TRERF1: variants seen among roughly 807,000 people sequenced by gnomAD.
TRERF1 encodes the protein transcriptional regulating factor 1, also known as transcriptional-regulating factor 1.
In TRERF1, 27 loss-of-function variants were observed where a neutral mutation model predicts 122.9. The ratio of observed to expected loss-of-function variants is 0.22; its 90% CI spans 0.16 to 0.30. TRERF1 has a LOEUF of 0.30. Among genes scored for constraint, TRERF1 ranks in the 10% least tolerant of loss-of-function variants. The pLI is 1.00. For synonymous variants in TRERF1, 636 were observed against 641.7 expected, an observed-to-expected ratio of 0.99 and a Z score of 0.13; for missense variants, 1,248 against 1,560.3, an observed-to-expected ratio of 0.80 and a Z score of 3.37.
intron 3 of TRERF1, among the ~76,000 whole-genome samples, chr6:42,354,872 A>G (rs1770204808): frequency 6.6e-6 from 1 of 152,202 alleles, no homozygotes; most frequent in African/African-American, 2.4e-5. Flanking sequence ...TATTTTTCCA[A>G]GCAGACATAG....
chr6:42,271,184 TAAAAAAAA>T (rs761098527), intron 4 of TRERF1, among the ~76,000 whole-genome samples: 3 of 102,688 alleles, frequency 2.9e-5, no homozygotes, highest in African/African-American at 1.1e-4. Flanking sequence ...AAACTCCATC[TAAAAAAAA>T]AAAAAAAAAA....
At chr6:42,378,070 A>T (rs1775221478) in intron 2 of TRERF1, among the ~76,000 whole-genome samples, 1 of 152,162 alleles carries the variant, frequency 6.6e-6, no homozygotes, top group South Asian at 2.1e-4. Flanking sequence ...GAATTTGGTG[A>T]TCTTCCCAAA....
At chr6:42,406,709 G>A (rs761450764) in intron 2 of TRERF1, among the ~76,000 whole-genome samples, 25 of 151,722 alleles carry the variant, frequency 1.6e-4, no homozygotes, top group Non-Finnish European at 2.9e-4. Context: ...AATGTCCCTC[G>A]TCTTAAAAAC....
At chr6:42,329,109 A>G (rs989596749) in intron 3 of TRERF1, among the ~76,000 whole-genome samples, 5 of 151,606 alleles carry the variant, frequency 3.3e-5, no homozygotes, top group Non-Finnish European at 7.4e-5. Context: ...GACTTGACTC[A>G]GTGCTGGTTT....
chr6:42,370,272 C>T (rs968119886), intron 2 of TRERF1, among the ~76,000 whole-genome samples: 1 of 152,128 alleles, frequency 6.6e-6, no homozygotes, highest in Non-Finnish European at 1.5e-5. Context: ...TATAAAAACA[C>T]AAAAAATTGT....
intron 3 of TRERF1, among the ~76,000 whole-genome samples, chr6:42,326,233 G>A (rs956250892): frequency 2.7e-5 from 4 of 147,930 alleles, no homozygotes; most frequent in African/African-American, 8.0e-5. Context: ...CAGTTGGCTG[G>A]CTGGATGGAA....
chr6:42,426,940 A>G (rs937572003), intron 2 of TRERF1, among the ~76,000 whole-genome samples: 11 of 152,166 alleles, frequency 7.2e-5, no homozygotes, highest in Non-Finnish European at 1.3e-4. Context: ...TTAAAACCTT[A>G]TATCAAATTA....
chr6:42,331,326 G>A (rs1054527165), intron 3 of TRERF1, among the ~76,000 whole-genome samples: 9 of 152,218 alleles, frequency 5.9e-5, no homozygotes, highest in African/African-American at 2.2e-4. Flanking sequence ...CAGAGAGTGA[G>A]AGAAGCAGCA....
intron 4 of TRERF1, among the ~76,000 whole-genome samples, chr6:42,284,486 T>C (rs1009750170): frequency 1.3e-5 from 2 of 152,238 alleles, no homozygotes; most frequent in African/African-American, 4.8e-5. Flanking sequence ...CTGTCACACA[T>C]TCTCAGCTGA....
chr6:42,236,473 CAGA>C, intron 15 of TRERF1, 62 bp from the exon 16 acceptor site: 3 of 1,523,750 alleles, frequency 2.0e-6, no homozygotes, highest in Admixed American at 4.0e-5. Context: ...TAGTGATGAA[CAGA>C]ACTCACAGAT....
At chr6:42,241,427 ATTAG>A (rs1041110225) in intron 15 of TRERF1, among the ~76,000 whole-genome samples, 3 of 152,148 alleles carry the variant, frequency 2.0e-5, no homozygotes, top group Non-Finnish European at 4.4e-5. Context: ...AGGATCAATT[ATTAG>A]TTAGAAGCAT....
At chr6:42,345,480 G>T (rs1264074758) in intron 3 of TRERF1, among the ~76,000 whole-genome samples, 1 of 152,038 alleles carries the variant, frequency 6.6e-6, no homozygotes. Context: ...ACAGAATGAG[G>T]TTTACACAGG....
rs1350864386 is a variant in TRERF1 at position 42,382,818 on chromosome 6, C to T, written c.-453-19739G>A. Reference sequence around the variant, plus strand: ...CTCTGCACTGAAGGATGTTTAGTAGCATCCCTGGCCTCCACCCACTACATG... The same window carrying T: ...CTCTGCACTGAAGGATGTTTAGTAGTATCCCTGGCCTCCACCCACTACATG... On this transcript the variant is annotated intron_variant, in intron 2 of 17. Transcript: ENST00000372922. Among the ~76,000 whole-genome samples the T allele has an allele frequency of 2.6e-5, 4 of 152,010 alleles. No individual in the cohort carries two copies. The East Asian group carries it at 7.7e-4, about 29-fold the overall frequency.
At chr6:42,378,421 C>G (rs568650309) in intron 2 of TRERF1, among the ~76,000 whole-genome samples, 23 of 151,668 alleles carry the variant, frequency 1.5e-4, no homozygotes, top group African/African-American at 5.3e-4. Context: ...CTAAAGTAAC[C>G]GGCACTGAGA....
intron 2 of TRERF1, among the ~76,000 whole-genome samples, chr6:42,373,975 A>C (rs1476063349): frequency 7.0e-6 from 1 of 143,492 alleles, no homozygotes; most frequent in Non-Finnish European, 1.5e-5. Context: ...TCTACTAAAA[A>C]TACAAAAATT....
chr6:42,277,146 G>A (rs577448672), intron 4 of TRERF1, among the ~76,000 whole-genome samples: 9 of 152,304 alleles, frequency 5.9e-5, no homozygotes, highest in African/African-American at 1.9e-4. Context: ...AGGACATGGG[G>A]AGAGAAGTGG....
chr6:42,450,170 G>C (rs893592866), intron 2 of TRERF1, among the ~76,000 whole-genome samples: 1 of 152,236 alleles, frequency 6.6e-6, no homozygotes, highest in Non-Finnish European at 1.5e-5. Flanking sequence ...ATCCTCTCCA[G>C]TCAGTGAGCA....
intron 13 of TRERF1, among the ~76,000 whole-genome samples, chr6:42,254,377 G>A (rs190416370): frequency 6.6e-6 from 1 of 152,284 alleles, no homozygotes; most frequent in Non-Finnish European, 1.5e-5. Flanking sequence ...CTACTAGGAT[G>A]TGCCAGGCAT....
rs556224846 is a variant in TRERF1 at position 42,380,445 on chromosome 6, T to A, written c.-453-17366A>T. On this transcript the variant is annotated intron_variant, in intron 2 of 17. Transcript: ENST00000372922. ...TCAGGAGCCAGGCTGAAGCCCAGCATAGCCTCTAAGCAGTGTGTGATGCTG... is the reference window on the plus strand; with the variant it reads ...TCAGGAGCCAGGCTGAAGCCCAGCAAAGCCTCTAAGCAGTGTGTGATGCTG... 2.6e-5 allele frequency among the ~76,000 whole-genome samples: 4 copies of A among 152,232 alleles called. No homozygotes were observed. In the South Asian group the frequency reaches 8.3e-4, roughly 31 times the overall value.
Sources: allele counts gnomAD v4.1 joint callset (sites outside exome capture counted in the v4.1 genomes callset), GRCh38; gene constraint gnomAD v4.1.1; transcripts MANE v1.5; gene names NCBI Gene and HGNC (gene_info 2026-07-23, HGNC 2026-07-21).